The following HMGB1 variants were observed in gnomAD, a reference collection of about 807,000 sequenced individuals.
HMGB1 encodes the protein high mobility group protein B1.
For synonymous variants in HMGB1, 81 were observed against 84.0 expected (o/e 0.96, Z 0.19); for missense variants, 79 against 253.5 (o/e 0.31, Z 4.67).
intron 1 of HMGB1, among the ~76,000 whole-genome samples, chr13:30,536,615 G>A (rs1042801460): frequency 4.6e-5 from 7 of 152,146 alleles, no homozygotes; most frequent in Non-Finnish European, 8.8e-5. Context: ...CTCCCAAAGT[G>A]CTGGGATTAC....
chr13:30,464,947 C>T (rs1886660795), intron 1 of HMGB1: 1 of 144,348 alleles, frequency 6.9e-6, no homozygotes, highest in Admixed American at 7.0e-5. Flanking sequence ...CCCCCCGCCG[C>T]GGTGGGGGCC....
chr13:30,473,002 G>A (rs374701894), intron 1 of HMGB1, among the ~76,000 whole-genome samples: 22 of 152,080 alleles, frequency 1.4e-4, no homozygotes, highest in African/African-American at 5.1e-4. Flanking sequence ...CATAGTCACC[G>A]AGGTCTATGC....
In HMGB1 at chr13:30,503,304, A is replaced by G. The variant is rs1887778579; in HGVS notation, c.-14-39610T>C. ...GCTTGCAGTGAGCCGAGATCGCGCC[A>G]CTGCACTCCAGCCTGGGTGACAGAG... On this transcript the variant is annotated intron_variant, in intron 1 of 4. Transcript: ENST00000405805. 2.6e-5 allele frequency among the ~76,000 whole-genome samples: 4 copies of G among 152,032 alleles called. No individual in the cohort carries two copies. The South Asian group carries it at 8.3e-4, about 32-fold the overall frequency.
At chr13:30,533,884 G>A (rs1404163348) in intron 1 of HMGB1, among the ~76,000 whole-genome samples, 4 of 133,722 alleles carry the variant, frequency 3.0e-5, no homozygotes. Flanking sequence ...TTTTTTTTAA[G>A]ATGGAGTTTC....
intron 1 of HMGB1, among the ~76,000 whole-genome samples, chr13:30,582,466 G>A (rs1364079880): frequency 2.0e-5 from 3 of 151,632 alleles, no homozygotes; most frequent in Non-Finnish European, 2.9e-5. Flanking sequence ...GTGAAACCCC[G>A]TCTCCACTAA....
At chr13:30,511,791 C>T (rs1396029625) in intron 1 of HMGB1, among the ~76,000 whole-genome samples, 1 of 152,196 alleles carries the variant, frequency 6.6e-6, no homozygotes, top group Non-Finnish European at 1.5e-5. Flanking sequence ...AGGCCCCAAA[C>T]ATTGATTTCA....
rs1309149895 is a variant in HMGB1, at chr13:30,538,650, T to C, written c.-14-74956A>G. ...CTTTCTTTTTCTTTCTTCCTTTCTT[T>C]CTTTCTTTCTTTCCTTTCTTTCTTT... On this transcript the variant is annotated intron_variant, in intron 1 of 4. Coordinates refer to the HMGB1 transcript ENST00000405805. 2.1e-4 allele frequency among the ~76,000 whole-genome samples: 17 copies of C among 79,402 alleles called. No homozygotes were observed. In the East Asian group the frequency reaches 5.1e-3, roughly 24 times the overall value. The allele number at this position is 79,402 out of a possible 152,430, so 52.1% of individuals were successfully genotyped here. A position where few individuals can be genotyped will look rare whatever the true frequency, so the allele number is the denominator to read the frequency against.
chr13:30,573,643 G>C lies in HMGB1; in HGVS notation c.-15+43028C>G, dbSNP rs1282188328. Among the ~76,000 whole-genome samples, 3 of 150,150 alleles carry C rather than the reference G, an allele frequency of 2.0e-5. 1 individual carries two copies. The highest frequency in any genetic ancestry group is 7.4e-5 in the African/African-American group (3 of 40,592). ...AAAGAAAAGGAGTCAAATGAATCTA[G>C]CATTTTCTTTTTTTTTTTTTTTTTG... On this transcript the variant is annotated intron_variant, in intron 1 of 4. Coordinates refer to the HMGB1 transcript ENST00000405805.
At chr13:30,517,232 C>T (rs1888121582) in intron 1 of HMGB1, among the ~76,000 whole-genome samples, 1 of 152,202 alleles carries the variant, frequency 6.6e-6, no homozygotes, top group Admixed American at 6.5e-5. Context: ...GTGAGACCCC[C>T]AAAATATGCG....
At chr13:30,552,577 T>C (rs961965011) in intron 1 of HMGB1, among the ~76,000 whole-genome samples, 6 of 152,212 alleles carry the variant, frequency 3.9e-5, no homozygotes, top group South Asian at 2.1e-4. Context: ...TATACTTCTA[T>C]TGAAGCACTT....
chr13:30,615,082 C>T lies in HMGB1; in HGVS notation c.-15+1589G>A, dbSNP rs565240084. On this transcript the variant is annotated intron_variant, in intron 1 of 4. Transcript: ENST00000405805. ...CCTTAAGCCCTGAAACTACTAATTT[C>T]TTGTTTGGATCACTATACGGCTACA... is the stretch of plus-strand genomic sequence containing the variant. 4.6e-5 allele frequency among the ~76,000 whole-genome samples: 7 copies of T among 152,176 alleles called. No homozygotes were observed. The East Asian group carries it at 1.2e-3, about 25-fold the overall frequency.
chr13:30,591,331 C>T (rs889329463), intron 1 of HMGB1, among the ~76,000 whole-genome samples: 2 of 151,796 alleles, frequency 1.3e-5, no homozygotes, highest in Non-Finnish European at 2.9e-5. Flanking sequence ...CGCGCCTGGC[C>T]GAGGCACAGT....
chr13:30,533,428 G>A (rs534753806), intron 1 of HMGB1, among the ~76,000 whole-genome samples: 1 of 152,276 alleles, frequency 6.6e-6, no homozygotes, highest in Non-Finnish European at 1.5e-5. Flanking sequence ...GCAGAGGTGT[G>A]ATCTTGGGTC....
At position 30,595,175 on chromosome 13, in the gene HMGB1, T is replaced by C. The variant is rs145661946; in HGVS notation, c.-15+21496A>G. 3.4e-3 allele frequency among the ~76,000 whole-genome samples: 522 copies of C among 152,288 alleles called. 1 individual carries two copies. Among genetic ancestry groups the C allele is most frequent in the African/African-American group, 0.011 (462 of 41,544 alleles). On this transcript the variant is annotated intron_variant, in intron 1 of 4. Coordinates refer to the HMGB1 transcript ENST00000405805. ...CCATTTGTTTAGATCTTTGTTGAAA[T>C]GTAGTCTCAGATAAAAAATTGTATT...
intron 1 of HMGB1, among the ~76,000 whole-genome samples, chr13:30,566,786 A>G (rs1275039922): frequency 6.6e-6 from 1 of 152,232 alleles, no homozygotes; most frequent in African/African-American, 2.4e-5. Flanking sequence ...CTTCCTCAAA[A>G]TTTTGGTCTT....
At chr13:30,596,235 A>G (rs1368900866) in intron 1 of HMGB1, among the ~76,000 whole-genome samples, 1 of 152,240 alleles carries the variant, frequency 6.6e-6, no homozygotes, top group East Asian at 1.9e-4. Context: ...CAGAATATAT[A>G]TAAAGAAAGA....
chr13:30,538,563 CTTCT>C (rs1566018886), intron 1 of HMGB1, among the ~76,000 whole-genome samples: 1 of 75,270 alleles, frequency 1.3e-5, no homozygotes, highest in African/African-American at 8.4e-5. Context: ...CTTTTTCTTT[CTTCT>C]TTTTCTTTCT....
intron 1 of HMGB1, among the ~76,000 whole-genome samples, chr13:30,587,611 T>G (rs947396199): frequency 2.0e-5 from 3 of 152,270 alleles, no homozygotes; most frequent in Non-Finnish European, 2.9e-5. Flanking sequence ...ACCAGCATGT[T>G]CTTTGAGGTA....
chr13:30,493,614 C>A (rs1887547740), intron 1 of HMGB1, among the ~76,000 whole-genome samples: 1 of 151,970 alleles, frequency 6.6e-6, no homozygotes, highest in South Asian at 2.1e-4. Flanking sequence ...GGCAAGATAG[C>A]AAGACCTCAT....
Sources: gnomAD v4.1 joint callset for allele counts (sites outside exome capture counted in the v4.1 genomes callset) on GRCh38, gnomAD v4.1.1 for gene constraint, MANE v1.5 for transcripts, NCBI Gene and HGNC (gene_info 2026-07-23, HGNC 2026-07-21) for gene names.